DOCK9: variants seen among roughly 807,000 people sequenced by gnomAD.
DOCK9 encodes the protein dedicator of cytokinesis 9, also known as dedicator of cytokinesis protein 9.
A neutral mutation model predicts 263.3 loss-of-function variants in DOCK9; 89 were observed. The observed-to-expected ratio is 0.34, with a 90% CI of 0.28 to 0.40. DOCK9 has a LOEUF of 0.40. Ranked by LOEUF, DOCK9 falls within the 10% of genes least tolerant of loss-of-function variation. DOCK9 has a pLI of 1.00. For synonymous variants in DOCK9, 976 were observed against 973.1 expected, an observed-to-expected ratio of 1.00 and a Z score of -0.06; for missense variants, 2,140 against 2,603.4, an observed-to-expected ratio of 0.82 and a Z score of 3.87.
intron 50 of DOCK9, 41 bp downstream of exon 50, chr13:98,800,247 G>A: frequency 1.3e-6 from 2 of 1,534,632 alleles, no homozygotes; most frequent in Non-Finnish European, 1.8e-6. Context: ...CAGGGGCAAG[G>A]ACGTCCCCTG....
chr13:98,803,131 T>C (rs1276998626), intron 49 of DOCK9, among the ~76,000 whole-genome samples: 1 of 152,138 alleles, frequency 6.6e-6, no homozygotes, highest in Non-Finnish European at 1.5e-5. Context: ...AACCCACAGC[T>C]GTGGACGGCA....
intron 1 of DOCK9, among the ~76,000 whole-genome samples, chr13:99,070,576 T>C (rs2041626588): frequency 6.6e-6 from 1 of 152,196 alleles, no homozygotes; most frequent in Non-Finnish European, 1.5e-5. Flanking sequence ...ACTTAGTGAG[T>C]ATTTACTGTG....
chr13:98,891,660 T>A (rs1422433575), intron 15 of DOCK9, among the ~76,000 whole-genome samples: 4 of 152,230 alleles, frequency 2.6e-5, no homozygotes, highest in Admixed American at 2.6e-4. Context: ...TGTGTCCTTC[T>A]GTGCCTAACT....
chr13:98,829,879 G>T lies in DOCK9; in HGVS notation c.4636-123C>A. 1.4e-6 allele frequency: 1 copy of T among 735,308 alleles called. No homozygotes were observed. The highest frequency in any genetic ancestry group is 1.6e-5 in the South Asian group (1 of 62,726). 45.5% of individuals were successfully genotyped at this position (735,308 alleles called of 1,614,324 possible). A position where few individuals can be genotyped will look rare whatever the true frequency, so the allele number is the denominator to read the frequency against. On this transcript the variant is annotated intron_variant, in intron 41 of 52. Coordinates refer to ENST00000682017, the MANE Select transcript of DOCK9 (RefSeq NM_001366683.2). This position sits in a 1 kb window ranked among gnomAD's most constrained non-coding sequence, Gnocchi z 4.1. ...AAGTGGGGGTTGGGGGGTGCTTTGA[G>T]CAGGGGTCGCTCCGTGTAGGAAACA...
At chr13:98,962,252 G>A (rs1302191046) in intron 1 of DOCK9, among the ~76,000 whole-genome samples, 1 of 152,206 alleles carries the variant, frequency 6.6e-6, no homozygotes, top group African/African-American at 2.4e-5. Context: ...TGATAAAAAT[G>A]TGTTGTTTCC....
At chr13:98,815,407 CTA>C in intron 45 of DOCK9, among the ~76,000 whole-genome samples, 1 of 152,326 alleles carries the variant, frequency 6.6e-6, no homozygotes, top group Non-Finnish European at 1.5e-5. Flanking sequence ...TACTTACAGA[CTA>C]ATCATTTGGT....
rs1475769444 is a variant in DOCK9 at position 99,011,977 on chromosome 13, C to G, written c.130-56426G>C. 2.0e-5 allele frequency among the ~76,000 whole-genome samples: 3 copies of G among 152,100 alleles called. No homozygotes were observed. The East Asian group carries it at 5.8e-4, about 29-fold the overall frequency. On this transcript the variant is annotated intron_variant, in intron 1 of 32. Transcript: ENST00000427887. ...GCTGGGGCTACTTGGCATGCACCAC[C>G]ACGCCCAGCTAATCTTTGTATTTTT...
chr13:99,018,083 AT>A (rs1213640114), intron 1 of DOCK9, among the ~76,000 whole-genome samples: 4 of 152,240 alleles, frequency 2.6e-5, no homozygotes, highest in African/African-American at 9.6e-5. Flanking sequence ...GAATGAAACA[AT>A]TTCCTAACTC....
At position 98,800,401 on chromosome 13, in the gene DOCK9, C is replaced by T; in HGVS notation, c.5803G>A (p.Val1935Met). ...QHHTDLNPIE[V>M]AIDEMSKKVA... ...TTCTTACTCATCTCGTCAATGGCCA[C>T]CTCGATGGGGTTCAGGTCAGTGTGG... The change falls in exon 50 of 53, where the codon GTG becomes ATG. Residue 1935 changes from valine to methionine, a missense_variant. This residue lies in a region of DOCK9 where 619 missense variants were observed against 861.8 expected (regional missense o/e 0.72). Coordinates refer to ENST00000682017, the MANE Select transcript of DOCK9 (RefSeq NM_001366683.2). The T allele has an allele frequency of 1.9e-6, 3 of 1,613,980 alleles. No homozygotes were observed. Among genetic ancestry groups the T allele is most frequent in the Non-Finnish European group, 2.5e-6 (3 of 1,179,894 alleles).
At chr13:98,921,729 C>T (rs1369738561) in intron 6 of DOCK9, among the ~76,000 whole-genome samples, 2 of 152,218 alleles carry the variant, frequency 1.3e-5, no homozygotes, top group African/African-American at 2.4e-5. Context: ...ATTGGCATGA[C>T]AGATAGCCCC....
Position 98,881,554 on chromosome 13 carries a change from A to G in DOCK9, c.2745+4T>C, listed in dbSNP as rs769579881. ...AAGTGATCAGAACAGTGTGTTTTAC[A>G]TACCTTAACATATGACCTCAAGTGG... is the stretch of plus-strand genomic sequence containing the variant. On this transcript the variant is annotated splice_donor_region_variant and intron_variant, in intron 25 of 52. Coordinates refer to ENST00000682017, the MANE Select transcript of DOCK9 (RefSeq NM_001366683.2). The G allele has an allele frequency of 1.6e-5, 26 of 1,598,756 alleles. No homozygotes were observed. Among genetic ancestry groups the G allele is most frequent in the Admixed American group, 1.6e-4 (9 of 58,018 alleles).
Position 98,798,920 on chromosome 13 carries a change from A to G in DOCK9, c.5916+1368T>C, listed in dbSNP as rs540965119. The stretch of plus-strand genomic sequence containing the variant: ...TGCCTTTTACAAAGCTCAATGGTCC[A>G]GCCCTACCCTGGACTGGTGCCACAC... On this transcript the variant is annotated intron_variant, in intron 50 of 52. Transcript: ENST00000682017. Among the ~76,000 whole-genome samples the G allele has an allele frequency of 1.4e-3, 211 of 152,360 alleles. 10 individuals are homozygous for G. In the South Asian group the frequency reaches 0.043, roughly 31 times the overall value.
chr13:98,859,674 T>C (rs1280239119), intron 33 of DOCK9: 2 of 151,170 alleles, frequency 1.3e-5, no homozygotes, highest in Admixed American at 6.6e-5. Flanking sequence ...CAGGGAGAAA[T>C]AAAGACTGAA....
At chr13:99,060,007 A>T (rs2041107384) in intron 1 of DOCK9, among the ~76,000 whole-genome samples, 1 of 150,284 alleles carries the variant, frequency 6.7e-6, no homozygotes, top group Admixed American at 6.6e-5. Flanking sequence ...TGGCTGAATA[A>T]TATTCTATTG....
upstream of DOCK9, among the ~76,000 whole-genome samples, chr13:98,979,033 T>C (rs1595803621): frequency 6.6e-6 from 1 of 152,236 alleles, no homozygotes; most frequent in Admixed American, 6.5e-5. Flanking sequence ...GGATCAAATA[T>C]TACTCTGTAC....
In DOCK9 at chr13:98,904,683, T is replaced by C. The variant is rs188318231; in HGVS notation, c.984A>G (p.Lys328=). 5 of 1,557,034 alleles carry C rather than the reference T, an allele frequency of 3.2e-6. No individual in the cohort carries two copies. The East Asian group carries it at 1.2e-4, about 37-fold the overall frequency. Residue 328 remains lysine, a synonymous_variant, in exon 10 of 53, where the codon AAA becomes AAG. Transcript: ENST00000682017. ...GTTTGACTCTGCTTTCACTTTTCAG[T>C]TTGATTTCTGCTTCTCTTGCACTCT... is the stretch of plus-strand genomic sequence containing the variant. The part of the protein sequence containing the change: ...LAKSAREAEI[K]LKSESRVKLF...
intron 20 of DOCK9, chr13:98,885,457 T>C: frequency 1.9e-6 from 1 of 539,654 alleles, no homozygotes; most frequent in Non-Finnish European, 3.3e-6. Flanking sequence ...ATACAAAAAT[T>C]AGCCAGTGGG....
At position 98,868,349 on chromosome 13, in the gene DOCK9, G is replaced by C; in HGVS notation, c.2972C>G (p.Ser991Cys). The C allele has an allele frequency of 6.2e-7, 1 of 1,612,922 alleles. No homozygotes were observed. Among genetic ancestry groups the C allele is most frequent in the Non-Finnish European group, 8.5e-7 (1 of 1,179,526 alleles). ...AACGGTTTCCACTGCATGATGATAG[G>C]ATGCAGGAAATCTCTGGTTTCGCAG... ...KLLRNQRFPA[S>C]YHHAVETVVN... is the part of the protein sequence containing the mutation. The change falls in exon 28 of 53, where the codon TCC becomes TGC. Residue 991 changes from serine (S) to cysteine (C), a missense_variant. Physicochemically the swap from Ser to Cys is moderately radical, Grantham distance 112. Coordinates refer to ENST00000682017, the MANE Select transcript of DOCK9 (RefSeq NM_001366683.2).
At chr13:98,893,356 T>C (rs2046915767) in intron 15 of DOCK9, among the ~76,000 whole-genome samples, 1 of 152,252 alleles carries the variant, frequency 6.6e-6, no homozygotes, top group East Asian at 1.9e-4. Context: ...TCTATTTTTA[T>C]ACTTTGCCTT....
Sources: gnomAD v4.1 joint callset for allele counts (sites outside exome capture counted in the v4.1 genomes callset) on GRCh38, gnomAD v4.1.1 for gene constraint, gnomAD v4.1.1 regional missense constraint, Gnocchi (gnomAD v3.1) non-coding constraint, MANE v1.5 for transcripts, NCBI Gene and HGNC (gene_info 2026-07-23, HGNC 2026-07-21) for gene names.